Variants in SLC60A2 observed in about 807,000 individuals in gnomAD.
SLC60A2 encodes major facilitator superfamily domain containing 4B.
At chr6:111,260,541 A>G in the SLC60A2 span, among the ~76,000 whole-genome samples, 2 of 152,332 alleles carry the variant, frequency 1.3e-5, no homozygotes, top group East Asian at 3.9e-4. Context: ...TCTTGGAGCA[A>G]AGGGCAAGCC....
the SLC60A2 span, among the ~76,000 whole-genome samples, chr6:111,274,482 A>C: frequency 6.6e-6 from 1 of 152,026 alleles, no homozygotes; most frequent in Non-Finnish European, 1.5e-5. Flanking sequence ...GTCTTTCTAT[A>C]ACTTTTAGGT....
chr6:111,265,260 A>G, the SLC60A2 span: 1 of 974,730 alleles, frequency 1.0e-6, no homozygotes, highest in Non-Finnish European at 1.2e-6. Context: ...ATCTGAAAAT[A>G]TCTGTTGAAA....
the SLC60A2 span, chr6:111,266,246 C>T: frequency 3.6e-5 from 58 of 1,614,022 alleles, no homozygotes; most frequent in South Asian, 8.8e-5. Flanking sequence ...AATATCACAA[C>T]GCCCTTCTTT....
At chr6:111,275,476 C>G in the SLC60A2 span, among the ~76,000 whole-genome samples, 1 of 149,456 alleles carries the variant, frequency 6.7e-6, no homozygotes, top group Admixed American at 6.7e-5. Flanking sequence ...ATGGCATGAT[C>G]TTGGCTCACT....
At chr6:111,263,759 C>A in the SLC60A2 span, 1 of 764,596 alleles carries the variant, frequency 1.3e-6, no homozygotes, top group Non-Finnish European at 2.2e-6. Context: ...CATGTTTGGA[C>A]ATTTATGATA....
chr6:111,266,062 A>T, the SLC60A2 span: 10 of 1,613,988 alleles, frequency 6.2e-6, no homozygotes, highest in Non-Finnish European at 8.5e-6. Flanking sequence ...CAATCATCTG[A>T]TGCTGACTCA....
chr6:111,274,995 T>A, the SLC60A2 span, among the ~76,000 whole-genome samples: 1 of 152,072 alleles, frequency 6.6e-6, no homozygotes, highest in South Asian at 2.1e-4. Flanking sequence ...TGATCATAGC[T>A]CATTGCAGCT....
chr6:111,270,810 A>G, the SLC60A2 span: 1 of 151,682 alleles, frequency 6.6e-6, no homozygotes, highest in Admixed American at 6.6e-5. Flanking sequence ...GTGCCACTGC[A>G]CTCCAGCCTG....
chr6:111,276,337 T>C, the SLC60A2 span, among the ~76,000 whole-genome samples: 1 of 152,216 alleles, frequency 6.6e-6, no homozygotes, highest in Non-Finnish European at 1.5e-5. Flanking sequence ...AATATTTTGT[T>C]GTGTTTGTGT....
chr6:111,266,552 G>C, the SLC60A2 span: 1 of 1,614,162 alleles, frequency 6.2e-7, no homozygotes, highest in Non-Finnish European at 8.5e-7. Flanking sequence ...CAGTGTATGG[G>C]GCTTCAATGG....
the SLC60A2 span, among the ~76,000 whole-genome samples, chr6:111,273,219 T>C: frequency 3.3e-5 from 5 of 152,046 alleles, no homozygotes; most frequent in African/African-American, 1.2e-4. Context: ...CGCCTAATCA[T>C]GGCTCACTGC....
At chr6:111,268,012 C>T in the SLC60A2 span, 7 of 152,274 alleles carry the variant, frequency 4.6e-5, no homozygotes, top group South Asian at 2.1e-4. Context: ...TTGTTTATCT[C>T]GCCTCCTGAT....
the SLC60A2 span, chr6:111,267,168 G>A: frequency 6.6e-7 from 1 of 1,518,370 alleles, no homozygotes; most frequent in East Asian, 2.3e-5. Context: ...CACTTCTAAG[G>A]ACGCCATTCA....
chr6:111,271,927 T>C, the SLC60A2 span, among the ~76,000 whole-genome samples: 1 of 152,004 alleles, frequency 6.6e-6, no homozygotes, highest in African/African-American at 2.4e-5. Flanking sequence ...GAGATCACGC[T>C]ACTGCACTTC....
the SLC60A2 span, chr6:111,259,373 G>T: frequency 2.8e-6 from 1 of 352,416 alleles, no homozygotes; most frequent in Non-Finnish European, 5.1e-6. Context: ...AACACCTGCG[G>T]CGTGCCGAAG....
the SLC60A2 span, among the ~76,000 whole-genome samples, chr6:111,274,811 G>A: frequency 1.3e-5 from 2 of 152,106 alleles, no homozygotes; most frequent in Non-Finnish European, 2.9e-5. Context: ...TCTGGGATCT[G>A]TGTTTATTTT....
the SLC60A2 span, among the ~76,000 whole-genome samples, chr6:111,279,953 A>C: frequency 6.6e-6 from 1 of 152,194 alleles, no homozygotes; most frequent in East Asian, 1.9e-4. Flanking sequence ...CTCACTGTTT[A>C]CATAGCTTTG....
At chr6:111,271,370 G>A in the SLC60A2 span, among the ~76,000 whole-genome samples, 1 of 151,382 alleles carries the variant, frequency 6.6e-6, no homozygotes. Context: ...TAAAATTTTG[G>A]CACAAAAATA....
chr6:111,273,428 A>G, the SLC60A2 span, among the ~76,000 whole-genome samples: 2 of 151,648 alleles, frequency 1.3e-5, no homozygotes, highest in Non-Finnish European at 2.9e-5. Context: ...TACAGGTATG[A>G]GGTACTGTGT....
Sources: allele counts gnomAD v4.1 joint callset (sites outside exome capture counted in the v4.1 genomes callset), GRCh38; gene constraint gnomAD v4.1.1; transcripts MANE v1.5; gene names NCBI Gene and HGNC (gene_info 2026-07-23, HGNC 2026-07-21).